Variants in EMSY observed in about 807,000 individuals in gnomAD.
EMSY encodes the protein EMSY transcriptional repressor, BRCA2 interacting.
EMSY carries 26 observed loss-of-function variants against 134.6 expected under a neutral mutation model. That is an observed-to-expected ratio of 0.19 (90% confidence interval 0.14 to 0.27). EMSY has a LOEUF of 0.27. EMSY is among the 10% of genes least tolerant of loss of function. The pLI, the probability that EMSY is intolerant of heterozygous loss-of-function variation, is 1.00. For missense variants in EMSY, 1,305 were observed against 1,611.4 expected (o/e 0.81, Z 3.26); for synonymous variants, 579 against 577.8 (o/e 1.00, Z -0.03).
intron 8 of EMSY, among the ~76,000 whole-genome samples, chr11:76,485,287 A>G (rs1489269431): frequency 6.6e-6 from 1 of 152,234 alleles, no homozygotes; most frequent in Non-Finnish European, 1.5e-5. Context: ...CATCAATGAA[A>G]AAATCCTCAA....
rs189064317 is a variant in EMSY at position 76,466,677 on chromosome 11, A to G, written c.831+2597A>G. Among the ~76,000 whole-genome samples the G allele has an allele frequency of 2.2e-4, 34 of 152,342 alleles. 1 individual carries two copies. The East Asian group carries it at 5.8e-3, about 26-fold the overall frequency. On this transcript the variant is annotated intron_variant, in intron 7 of 20. Coordinates refer to ENST00000334736, the Ensembl canonical transcript of EMSY. ...TTAAAAATTATCATTATTAGTAACT[A>G]GAAGTGATAATGAGCTGATCTGTGG...
At chr11:76,519,919 C>A (rs942030556) in intron 11 of EMSY, among the ~76,000 whole-genome samples, 9 of 152,076 alleles carry the variant, frequency 5.9e-5, no homozygotes, top group Non-Finnish European at 1.3e-4. Context: ...GAGCCAGATA[C>A]TCTGCTGTGT....
chr11:76,514,159 G>T (rs1950370202), intron 10 of EMSY, among the ~76,000 whole-genome samples: 1 of 151,920 alleles, frequency 6.6e-6, no homozygotes. Flanking sequence ...TTGTTTATTT[G>T]TTTTTGTTTT....
intron 12 of EMSY, among the ~76,000 whole-genome samples, chr11:76,526,046 T>C (rs1950835089): frequency 6.6e-6 from 1 of 152,186 alleles, no homozygotes; most frequent in Admixed American, 6.5e-5. Flanking sequence ...CACAAATACT[T>C]ATTTCAGATA....
Position 76,539,641 on chromosome 11 carries a change from G to A in EMSY, c.2557+1G>A. ...ACAGAGGTTGCTTTTCCCCTTCTAG[G>A]TAAGTGGTGTGCATCCATTTGTAGT... On this transcript the variant is annotated splice_donor_variant, in intron 17 of 20. Coordinates refer to ENST00000334736, the Ensembl canonical transcript of EMSY. LOFTEE classifies it high-confidence loss of function. The A allele has an allele frequency of 6.2e-7, 1 of 1,613,498 alleles. No homozygotes were observed. Among genetic ancestry groups the A allele is most frequent in the Non-Finnish European group, 8.5e-7 (1 of 1,179,454 alleles).
At chr11:76,530,492 A>G (rs948690647) in intron 14 of EMSY, among the ~76,000 whole-genome samples, 9 of 152,334 alleles carry the variant, frequency 5.9e-5, no homozygotes, top group African/African-American at 1.7e-4. Flanking sequence ...AGAATGGGAC[A>G]TAAGTTTGCA....
At chr11:76,541,087 G>C (rs1441828315) in intron 17 of EMSY, among the ~76,000 whole-genome samples, 1 of 152,172 alleles carries the variant, frequency 6.6e-6, no homozygotes, top group African/African-American at 2.4e-5. Flanking sequence ...TTAGCCTGGC[G>C]TGGTGGTGCA....
chr11:76,460,375 T>C (rs1948060110), intron 6 of EMSY: 2 of 243,846 alleles, frequency 8.2e-6, no homozygotes, highest in East Asian at 7.8e-5. Context: ...AATAGAAATA[T>C]TGTGAATAGA....
chr11:76,513,020 T>A (rs1950332048), intron 9 of EMSY, among the ~76,000 whole-genome samples: 1 of 152,200 alleles, frequency 6.6e-6, no homozygotes, highest in Admixed American at 6.5e-5. Context: ...TTACCTTTTG[T>A]TTCTGACCTC....
chr11:76,461,077 G>T (rs193200514), intron 6 of EMSY: 1 of 152,314 alleles, frequency 6.6e-6, no homozygotes, highest in African/African-American at 2.4e-5. Context: ...AGGATCTTAT[G>T]CTGCTTCAAC....
intron 4 of EMSY, among the ~76,000 whole-genome samples, chr11:76,455,687 T>C (rs1947843652): frequency 6.6e-6 from 1 of 152,156 alleles, no homozygotes; most frequent in Admixed American, 6.5e-5. Flanking sequence ...AAGAAAAGCC[T>C]TTCTTGTGGC....
At chr11:76,550,005 G>A (rs1201776313) in exon 21 of EMSY, 4 of 1,613,728 alleles carry the variant, frequency 2.5e-6, no homozygotes, top group Non-Finnish European at 3.4e-6. Flanking sequence ...TGGTGGTGGA[G>A]CCCAGTGGGC....
chr11:76,509,812 C>G (rs1739284834), intron 9 of EMSY, among the ~76,000 whole-genome samples: 1 of 152,182 alleles, frequency 6.6e-6, no homozygotes. Flanking sequence ...CAAGGGAGAA[C>G]TAGACAGAGG....
intron 6 of EMSY, among the ~76,000 whole-genome samples, chr11:76,461,912 CAG>C (rs1948135170): frequency 6.6e-6 from 1 of 150,874 alleles, no homozygotes; most frequent in Non-Finnish European, 1.5e-5. Context: ...GCCTGGGCAA[CAG>C]AGTGAGCCTC....
chr11:76,550,337 C>G, exon 21 of EMSY: 1 of 386,090 alleles, frequency 2.6e-6, no homozygotes, highest in Non-Finnish European at 4.4e-6. Flanking sequence ...GGGGAATGTA[C>G]TTTTTTAAAA....
intron 10 of EMSY, 102 bp downstream of exon 11, chr11:76,513,637 G>A: frequency 7.7e-7 from 1 of 1,292,524 alleles, no homozygotes; most frequent in Admixed American, 2.5e-5. Flanking sequence ...GAGATTAATG[G>A]GACAGTTTTT....
At chr11:76,494,714 CCTTCCTTCCTTCCTTCCTTCCTTT>C (rs1310078321) in intron 8 of EMSY, among the ~76,000 whole-genome samples, 1 of 118,264 alleles carries the variant, frequency 8.5e-6, no homozygotes, top group African/African-American at 3.2e-5. Flanking sequence ...TTCCTTCCTT[CCTTCCTTCCTTCCTTCCTTCCTTT>C]CCTTCCTTCC....
intron 17 of EMSY, among the ~76,000 whole-genome samples, chr11:76,541,283 T>G (rs1301204826): frequency 6.6e-6 from 1 of 152,202 alleles, no homozygotes; most frequent in East Asian, 1.9e-4. Flanking sequence ...ATAGATTGGT[T>G]ACTTCATGGG....
At chr11:76,452,802 T>C (rs2134853705) in intron 3 of EMSY, among the ~76,000 whole-genome samples, 1 of 152,304 alleles carries the variant, frequency 6.6e-6, no homozygotes, top group Admixed American at 6.5e-5. Context: ...ACCCTGGTGT[T>C]AAGTTGTATA....
Sources: allele counts gnomAD v4.1 joint callset (sites outside exome capture counted in the v4.1 genomes callset), GRCh38; gene constraint gnomAD v4.1.1; transcripts MANE v1.5; gene names NCBI Gene and HGNC (gene_info 2026-07-23, HGNC 2026-07-21).